The following PIK3CD variants were observed in gnomAD, a reference collection of about 807,000 sequenced individuals.
PIK3CD encodes the protein phosphatidylinositol 4,5-bisphosphate 3-kinase catalytic subunit delta isoform.
In PIK3CD, 20 loss-of-function variants were observed where a neutral mutation model predicts 122.9. The ratio of observed to expected loss-of-function variants is 0.16; its 90% confidence interval spans 0.11 to 0.24. PIK3CD has a LOEUF of 0.24. Ranked by LOEUF, PIK3CD falls within the 10% of genes least tolerant of loss-of-function variation. PIK3CD has a pLI of 1.00. For missense variants in PIK3CD, 787 were observed against 1,406.3 expected, an observed-to-expected ratio of 0.56 and a Z score of 7.04; for synonymous variants, 596 against 593.4, an observed-to-expected ratio of 1.00 and a Z score of -0.06.
intron 2 of PIK3CD, among the ~76,000 whole-genome samples, chr1:9,696,809 T>C (rs908431736): frequency 1.9e-4 from 28 of 150,196 alleles, no homozygotes; most frequent in African/African-American, 6.9e-4. Context: ...TTTAGAAATA[T>C]CAAGGTCAGG....
intron 1 of PIK3CD, among the ~76,000 whole-genome samples, chr1:9,679,824 G>A (rs1388743462): frequency 2.6e-5 from 4 of 152,134 alleles, no homozygotes; most frequent in Non-Finnish European, 5.9e-5. Context: ...TGTTGTTATT[G>A]TTTTCGTTTT....
intron 3 of PIK3CD, among the ~76,000 whole-genome samples, chr1:9,713,286 G>A (rs1348800508): frequency 6.6e-6 from 1 of 152,072 alleles, no homozygotes; most frequent in Non-Finnish European, 1.5e-5. Context: ...AGGCTGCAGT[G>A]AGCCATGATT....
intron 1 of PIK3CD, among the ~76,000 whole-genome samples, chr1:9,669,019 T>C (rs1242859293): frequency 6.6e-6 from 1 of 152,152 alleles, no homozygotes; most frequent in African/African-American, 2.4e-5. Context: ...TGTTCGCTGC[T>C]CACATCCAGA....
intron 2 of PIK3CD, among the ~76,000 whole-genome samples, chr1:9,698,362 G>A (rs771053639): frequency 1.1e-4 from 16 of 152,100 alleles, no homozygotes; most frequent in African/African-American, 1.9e-4. Context: ...GGCTGGTCTC[G>A]AACTCCCAAC....
intron 1 of PIK3CD, among the ~76,000 whole-genome samples, chr1:9,675,015 A>G (rs141673161): frequency 0.049 from 7,019 of 142,868 alleles, 445 homozygotes; most frequent in African/African-American, 0.15. Context: ...TAGCCTGGGC[A>G]ATGTAAAAAA....
At chr1:9,651,563 C>A (rs540648638), upstream of PIK3CD, among the ~76,000 whole-genome samples, 260 of 152,320 alleles carry the variant, frequency 1.7e-3, 1 homozygote, top group Non-Finnish European at 2.8e-3. Flanking sequence ...TGATGCCCCT[C>A]TAGCGGTAGG....
At chr1:9,642,928 AAAT>A in the PIK3CD span, among the ~76,000 whole-genome samples, 2 of 146,352 alleles carry the variant, frequency 1.4e-5, no homozygotes, top group Non-Finnish European at 3.0e-5. Context: ...TCGTCTCCAA[AAAT>A]AAAAAAATTA....
Position 9,720,123 on chromosome 1 carries a change from G to C in PIK3CD, c.1351G>C (p.Glu451Gln). 2 of 1,613,242 alleles carry C rather than the reference G, an allele frequency of 1.2e-6. No homozygotes were observed. The highest frequency in any genetic ancestry group is 1.7e-6 in the Non-Finnish European group (2 of 1,180,000). The change falls in exon 11 of 24, where the codon GAG becomes CAG. Residue 451 changes from glutamate to glutamine, a missense_variant. By Grantham distance (29) the Glu-to-Gln change is conservative. Transcript: ENST00000377346. This position sits in a 1 kb window ranked among gnomAD's most constrained non-coding sequence, Gnocchi z 9.0. ...MWPSVPDEKG[E>Q]LLNPTGTVRS... ...GCCCCTGTGTTCAGATGAGAAGGGC[G>C]AGCTGCTGAACCCCACGGGCACTGT...
At chr1:9,726,614 G>A (rs746498778) in intron 23 of PIK3CD, among the ~76,000 whole-genome samples, 7 of 152,130 alleles carry the variant, frequency 4.6e-5, no homozygotes, top group Non-Finnish European at 8.8e-5. Context: ...ACACATGCTT[G>A]CCAGGACCTT....
At chr1:9,645,448 TTTTA>T in the PIK3CD span, among the ~76,000 whole-genome samples, 65 of 151,966 alleles carry the variant, frequency 4.3e-4, no homozygotes, top group Non-Finnish European at 6.6e-4. Flanking sequence ...TTCTATTTTA[TTTTA>T]TTTATTTATT....
At position 9,704,118 on chromosome 1, in the gene PIK3CD, G is replaced by A. The variant is rs767783738; in HGVS notation, c.-32-6306G>A. Among the ~76,000 whole-genome samples the A allele has an allele frequency of 5.3e-5, 8 of 152,114 alleles. No homozygotes were observed. Among genetic ancestry groups the A allele is most frequent in the Non-Finnish European group, 8.8e-5 (6 of 68,028 alleles). Reference sequence around the variant, plus strand: ...AGAGAGGTTCTTAGCCCAGAGAGACGGAAGGCACTTCCACTTTCTCCTGTC... The same window carrying A: ...AGAGAGGTTCTTAGCCCAGAGAGACAGAAGGCACTTCCACTTTCTCCTGTC... On this transcript the variant is annotated intron_variant, in intron 2 of 23. Transcript: ENST00000377346. This position sits in a 1 kb window ranked among gnomAD's most constrained non-coding sequence, Gnocchi z 5.0.
In PIK3CD at chr1:9,728,492, A is replaced by AAACTC. The variant is rs1361729668; in HGVS notation, c.*1450_*1454dup. 2 of 152,322 alleles carry AAACTC rather than the reference A, an allele frequency of 1.3e-5. No individual in the cohort carries two copies. The highest frequency in any genetic ancestry group is 3.9e-4 in the East Asian group (2 of 5,188). 9.4% of individuals were successfully genotyped at this position (152,322 alleles called of 1,614,324 possible). On this transcript the variant is annotated 3_prime_UTR_variant, in exon 24 of 24. Coordinates refer to ENST00000377346, the MANE Select transcript of PIK3CD (RefSeq NM_005026.5). ...CTGTTGATTTCTCAAAGGTCTTCCA[A>AAACTC]AACTCAACAGAGCCAGAAGTAGCCG...
intron 1 of PIK3CD, among the ~76,000 whole-genome samples, chr1:9,666,233 T>TTTTTTC (rs1645154629): frequency 1.3e-4 from 15 of 114,358 alleles, no homozygotes; most frequent in Admixed American, 9.5e-5. Flanking sequence ...CGGTCTTTTT[T>TTTTTTC]TTTTTTTTTT....
In PIK3CD at chr1:9,667,782, A is replaced by G. The variant is rs1397836175; in HGVS notation, c.-138+15980A>G. On this transcript the variant is annotated intron_variant, in intron 1 of 23. Coordinates refer to ENST00000377346, the MANE Select transcript of PIK3CD (RefSeq NM_005026.5). ...GATAGGGTCTCACTCTGTCGCCCACACTGGAGTGCACTGGAGCAATCACAG... is the reference window on the plus strand; with the variant it reads ...GATAGGGTCTCACTCTGTCGCCCACGCTGGAGTGCACTGGAGCAATCACAG... Among the ~76,000 whole-genome samples the G allele has an allele frequency of 1.8e-4, 25 of 138,964 alleles. No individual in the cohort carries two copies. In the South Asian group the frequency reaches 5.7e-3, roughly 32 times the overall value. 91.2% of individuals were successfully genotyped at this position (138,964 alleles called of 152,430 possible). A position where few individuals can be genotyped will look rare whatever the true frequency, so the allele number is the denominator to read the frequency against.
At chr1:9,645,261 C>T in the PIK3CD span, among the ~76,000 whole-genome samples, 2 of 151,918 alleles carry the variant, frequency 1.3e-5, no homozygotes, top group African/African-American at 2.4e-5. Flanking sequence ...TCAGGCGATC[C>T]ACCTGCCTCG....
At position 9,728,205 on chromosome 1, in the gene PIK3CD, G is replaced by C. The variant is rs1649982162; in HGVS notation, c.*1159G>C. ...TCACCTTTGGGAACCTGCTGTGAGA[G>C]TGCTGAGGTACCAGAAGTGTGAGAA... On this transcript the variant is annotated 3_prime_UTR_variant, in exon 24 of 24. Coordinates refer to ENST00000377346, the MANE Select transcript of PIK3CD (RefSeq NM_005026.5). 1 of 152,470 alleles carries C rather than the reference G, an allele frequency of 6.6e-6. No individual in the cohort carries two copies. Among genetic ancestry groups the C allele is most frequent in the South Asian group, 2.1e-4 (1 of 4,834 alleles). The allele number at this position is 152,470 out of a possible 1,614,324, so 9.4% of individuals were successfully genotyped here.
At chr1:9,694,875 T>C (rs915889966) in intron 2 of PIK3CD, among the ~76,000 whole-genome samples, 4 of 152,146 alleles carry the variant, frequency 2.6e-5, no homozygotes, top group African/African-American at 9.6e-5. Context: ...GGTGGGAGGA[T>C]TGCTTGAGCC....
At chr1:9,643,230 G>A in the PIK3CD span, among the ~76,000 whole-genome samples, 2 of 151,886 alleles carry the variant, frequency 1.3e-5, no homozygotes, top group Admixed American at 6.6e-5. Context: ...TCAACATGGC[G>A]AAAACCCATC....
chr1:9,642,574 G>A, the PIK3CD span, among the ~76,000 whole-genome samples: 6 of 151,240 alleles, frequency 4.0e-5, no homozygotes, highest in South Asian at 4.2e-4. Flanking sequence ...AAAATTAGCC[G>A]GGCGCAGTGG....
Sources: allele counts gnomAD v4.1 joint callset (sites outside exome capture counted in the v4.1 genomes callset), GRCh38; gene constraint gnomAD v4.1.1; non-coding constraint Gnocchi (gnomAD v3.1); transcripts MANE v1.5; gene names NCBI Gene and HGNC (gene_info 2026-07-23, HGNC 2026-07-21).